The following EXOC6B variants were observed in gnomAD, a reference collection of about 807,000 sequenced individuals.
EXOC6B encodes SEC15 homolog B.
In EXOC6B, 54 loss-of-function variants were observed where a neutral mutation model predicts 113.5. That is an observed-to-expected ratio of 0.48 (90% CI 0.38 to 0.60). The LOEUF is 0.60. Ranked by LOEUF, EXOC6B falls within the 20% of genes least tolerant of loss-of-function variation. The probability of loss-of-function intolerance (pLI) is 0.00; values close to 1 mark genes in which losing one functional copy is unlikely to be tolerated. For missense variants in EXOC6B, 797 were observed against 977.5 expected (o/e 0.82, Z 2.46); for synonymous variants, 357 against 339.0 (o/e 1.05, Z -0.58).
rs974616067 is a variant in EXOC6B, at chr2:72,673,677, C to T, written c.669+44426G>A. Among the ~76,000 whole-genome samples the T allele has an allele frequency of 5.9e-5, 9 of 151,584 alleles. 1 individual carries two copies. Among genetic ancestry groups the T allele is most frequent in the East Asian group, 1.9e-4 (1 of 5,162 alleles). ...GTCCTGAAACTTTCAATTATAGGTG[C>T]CAGTAAATTCCTTTCTTTTACCTTA... On this transcript the variant is annotated intron_variant, in intron 6 of 21. Coordinates refer to ENST00000272427, the MANE Select transcript of EXOC6B (RefSeq NM_015189.3).
At chr2:72,461,927 TAG>T (rs1697711115) in intron 18 of EXOC6B, 1 of 152,094 alleles carries the variant, frequency 6.6e-6, no homozygotes, top group African/African-American at 2.4e-5. Flanking sequence ...GTCTTATTAA[TAG>T]AGTTACAAAT....
At chr2:72,272,902 G>A (rs1684581927) in intron 20 of EXOC6B, among the ~76,000 whole-genome samples, 3 of 152,094 alleles carry the variant, frequency 2.0e-5, no homozygotes, top group African/African-American at 7.2e-5. Flanking sequence ...TTAAGTTTAG[G>A]TCAAAAATAT....
chr2:72,561,768 C>T (rs868639113), intron 7 of EXOC6B, among the ~76,000 whole-genome samples: 1 of 152,110 alleles, frequency 6.6e-6, no homozygotes, highest in Non-Finnish European at 1.5e-5. Flanking sequence ...TCATCTCCAA[C>T]GAATATTTAC....
chr2:72,379,826 T>C lies in EXOC6B; in HGVS notation c.2025A>G (p.Leu675=), dbSNP rs1691578553. ...ACAAAAGTTGCATCAAGGATGTGGC[T>C]AAATGCTTGCAAGCTGACATACACG... is the stretch of plus-strand genomic sequence containing the variant. The part of the protein sequence containing the change: ...QTACMSACKH[L]ATSLMQLLLE... Residue 675 remains leucine (L), a synonymous_variant, in exon 19 of 22, where the codon TTA becomes TTG. Transcript: ENST00000272427. The C allele has an allele frequency of 1.2e-6, 2 of 1,612,924 alleles. No homozygotes were observed. The highest frequency in any genetic ancestry group is 1.7e-6 in the Non-Finnish European group (2 of 1,179,486).
Position 72,515,143 on chromosome 2 carries a change from G to A in EXOC6B, c.916-17C>T. ...CCGGGCACCCTGTAAATAAAGAAAAGAAAATGGGTTGACACAATTGGACCA... is the reference window on the plus strand; with the variant it reads ...CCGGGCACCCTGTAAATAAAGAAAAAAAAATGGGTTGACACAATTGGACCA... On this transcript the variant is annotated splice_polypyrimidine_tract_variant and intron_variant, in intron 8 of 21. Transcript: ENST00000272427. 1 of 1,579,990 alleles carries A rather than the reference G, an allele frequency of 6.3e-7. No homozygotes were observed. The highest frequency in any genetic ancestry group is 1.2e-5 in the South Asian group (1 of 86,228).
intron 6 of EXOC6B, among the ~76,000 whole-genome samples, chr2:72,696,263 T>G (rs1677871056): frequency 6.6e-6 from 1 of 152,206 alleles, no homozygotes; most frequent in Admixed American, 6.5e-5. Flanking sequence ...TTATCCACTT[T>G]TAAACATGTA....
At chr2:72,537,323 G>T (rs1301000599) in intron 8 of EXOC6B, among the ~76,000 whole-genome samples, 2 of 152,004 alleles carry the variant, frequency 1.3e-5, no homozygotes, top group South Asian at 2.1e-4. Flanking sequence ...CACAAAACAG[G>T]CCAGGCGGGC....
At chr2:72,461,274 A>C (rs995269154) in intron 18 of EXOC6B, among the ~76,000 whole-genome samples, 1 of 150,454 alleles carries the variant, frequency 6.6e-6, no homozygotes, top group South Asian at 2.1e-4. Flanking sequence ...CGAGTTAATG[A>C]GTGCAGCACA....
At chr2:72,623,794 C>T (rs189344114) in intron 6 of EXOC6B, among the ~76,000 whole-genome samples, 1 of 152,126 alleles carries the variant, frequency 6.6e-6, no homozygotes, top group Non-Finnish European at 1.5e-5. Context: ...CTCCACATCC[C>T]CATACTGCCA....
chr2:72,225,696 C>T (rs1336274231), intron 20 of EXOC6B, among the ~76,000 whole-genome samples: 3 of 152,102 alleles, frequency 2.0e-5, no homozygotes, highest in Admixed American at 6.6e-5. Flanking sequence ...GATAAGGAAA[C>T]CTTTTTATCA....
intron 1 of EXOC6B, among the ~76,000 whole-genome samples, chr2:72,783,010 C>G (rs1684150466): frequency 6.6e-6 from 1 of 152,230 alleles, no homozygotes; most frequent in Non-Finnish European, 1.5e-5. Context: ...CTCTGATATA[C>G]TGGCTTCTTT....
rs1686710849 is a variant in EXOC6B, at chr2:72,823,480, AAAAAAC to A, written c.113+2312_113+2317del. On this transcript the variant is annotated intron_variant, in intron 1 of 21. Transcript: ENST00000272427. ...TTAAGAAAAAAAAAAAAAAAAAAACAAAAAACAAAAAAAAAGACAGTGGCCAGGCAC... is the reference window on the plus strand; with the variant it reads ...TTAAGAAAAAAAAAAAAAAAAAAACAAAAAAAAAAGACAGTGGCCAGGCAC... 7.3e-4 allele frequency among the ~76,000 whole-genome samples: 75 copies of A among 102,562 alleles called. 9 individuals are homozygous for A. Among genetic ancestry groups the A allele is most frequent in the African/African-American group, 1.6e-3 (22 of 13,592 alleles). 67.3% of individuals were successfully genotyped at this position (102,562 alleles called of 152,430 possible). A position where few individuals can be genotyped will look rare whatever the true frequency, so the allele number is the denominator to read the frequency against.
At chr2:72,214,725 A>G (rs1680410080) in intron 20 of EXOC6B, among the ~76,000 whole-genome samples, 1 of 152,194 alleles carries the variant, frequency 6.6e-6, no homozygotes, top group African/African-American at 2.4e-5. Flanking sequence ...GACCAGATCA[A>G]TGCCATTGAT....
At chr2:72,788,623 C>T (rs1393257048) in intron 1 of EXOC6B, among the ~76,000 whole-genome samples, 1 of 151,878 alleles carries the variant, frequency 6.6e-6, no homozygotes, top group Non-Finnish European at 1.5e-5. Flanking sequence ...ACAGTGAGAC[C>T]CCATCTCTAC....
intron 6 of EXOC6B, among the ~76,000 whole-genome samples, chr2:72,616,933 G>A (rs1031256981): frequency 1.3e-5 from 2 of 152,132 alleles, no homozygotes; most frequent in Admixed American, 1.3e-4. Flanking sequence ...TCCTGCCTAT[G>A]AGCCCATAAA....
intron 6 of EXOC6B, among the ~76,000 whole-genome samples, chr2:72,645,946 C>A (rs1416724892): frequency 7.2e-5 from 11 of 151,996 alleles, no homozygotes; most frequent in African/African-American, 2.4e-5. Flanking sequence ...AAGATCAGAG[C>A]AGAACTGAAG....
chr2:72,241,058 A>G (rs1249304029), intron 20 of EXOC6B, among the ~76,000 whole-genome samples: 3 of 152,224 alleles, frequency 2.0e-5, no homozygotes, highest in African/African-American at 7.2e-5. Context: ...TATTGTGGAC[A>G]AGATTGAAAG....
chr2:72,475,782 A>T (rs998086056), intron 17 of EXOC6B, among the ~76,000 whole-genome samples: 23 of 152,080 alleles, frequency 1.5e-4, no homozygotes, highest in Non-Finnish European at 2.9e-5. Flanking sequence ...GGTGGAAAAC[A>T]CACACACCAT....
chr2:72,393,645 C>G (rs1244872973), intron 18 of EXOC6B, among the ~76,000 whole-genome samples: 1 of 152,074 alleles, frequency 6.6e-6, no homozygotes, highest in African/African-American at 2.4e-5. Context: ...CAGAAGAAAA[C>G]TATAATAGAT....
Sources: gnomAD v4.1 joint callset for allele counts (sites outside exome capture counted in the v4.1 genomes callset) on GRCh38, gnomAD v4.1.1 for gene constraint, MANE v1.5 for transcripts, NCBI Gene and HGNC (gene_info 2026-07-23, HGNC 2026-07-21) for gene names.